The following ARID2 variants were observed in gnomAD, a reference collection of about 807,000 sequenced individuals.
ARID2 encodes AT-rich interactive domain-containing protein 2.
In ARID2, 32 loss-of-function variants were observed where a neutral mutation model predicts 184.6. The observed-to-expected ratio is 0.17, with a 90% CI of 0.13 to 0.23. ARID2 has a LOEUF of 0.23. ARID2 is among the 10% of genes least tolerant of loss of function. The probability of loss-of-function intolerance (pLI) is 1.00; values close to 1 mark genes in which losing one functional copy is unlikely to be tolerated. For synonymous variants in ARID2, 836 were observed against 772.6 expected (o/e 1.08, Z -1.36); for missense variants, 1,696 against 2,197.6 (o/e 0.77, Z 4.56).
chr12:45,900,900 T>C (rs1378756304), intron 20 of ARID2, among the ~76,000 whole-genome samples: 3 of 152,118 alleles, frequency 2.0e-5, no homozygotes, highest in Admixed American at 1.3e-4. Context: ...TTGTATGTGA[T>C]CTGTTTTCCC....
rs1206788961 is a variant in ARID2, at chr12:45,729,948, G to T, written c.92+20G>T. ...CAGAGGGTGAGAGCAGAACCGGGGG[G>T]GCAGCGCCGGGGCGAGCCGGGGCGA... On this transcript the variant is annotated intron_variant, in intron 1 of 20. Coordinates refer to ENST00000334344, the MANE Select transcript of ARID2 (RefSeq NM_152641.4). 2 of 1,604,340 alleles carry T rather than the reference G, an allele frequency of 1.2e-6. No individual in the cohort carries two copies. The highest frequency in any genetic ancestry group is 1.1e-5 in the South Asian group (1 of 90,324).
chr12:45,824,786 G>A (rs543329263), intron 6 of ARID2, among the ~76,000 whole-genome samples: 10 of 151,608 alleles, frequency 6.6e-5, no homozygotes, highest in Admixed American at 5.9e-4. Context: ...AATGTGCATT[G>A]CAGCATTATT....
intron 15 of ARID2, among the ~76,000 whole-genome samples, chr12:45,856,939 G>T (rs1460546272): frequency 2.0e-5 from 3 of 152,064 alleles, no homozygotes; most frequent in Non-Finnish European, 2.9e-5. Context: ...CAGAAGCCCT[G>T]CCCTGTTCCA....
intron 3 of ARID2, among the ~76,000 whole-genome samples, chr12:45,792,007 A>G (rs1336543205): frequency 6.6e-6 from 1 of 152,180 alleles, no homozygotes; most frequent in Non-Finnish European, 1.5e-5. Flanking sequence ...AATCAATTTT[A>G]TTCGTGTTTT....
intron 3 of ARID2, among the ~76,000 whole-genome samples, chr12:45,760,150 A>T (rs1941647904): frequency 6.6e-6 from 1 of 152,182 alleles, no homozygotes; most frequent in African/African-American, 2.4e-5. Flanking sequence ...TTCCAGATAT[A>T]ATATTTTTAA....
At chr12:45,767,626 G>A (rs1476171826) in intron 3 of ARID2, among the ~76,000 whole-genome samples, 1 of 152,122 alleles carries the variant, frequency 6.6e-6, no homozygotes, top group Non-Finnish European at 1.5e-5. Flanking sequence ...CCTAGGAGTT[G>A]GAGATTAGCT....
chr12:45,882,396 T>G (rs1272847180), intron 16 of ARID2: 1 of 152,218 alleles, frequency 6.6e-6, no homozygotes, highest in Non-Finnish European at 1.5e-5. Context: ...AGAAAATTAC[T>G]GAAAACAACA....
At chr12:45,901,997 C>G (rs1944466447) in intron 20 of ARID2, among the ~76,000 whole-genome samples, 1 of 151,984 alleles carries the variant, frequency 6.6e-6, no homozygotes, top group Non-Finnish European at 1.5e-5. Flanking sequence ...TTTCTTTTAC[C>G]CTTCGTACTG....
chr12:45,858,661 C>T (rs918208425), intron 15 of ARID2, among the ~76,000 whole-genome samples: 11 of 152,296 alleles, frequency 7.2e-5, no homozygotes, highest in Admixed American at 6.5e-4. Context: ...TTCCCATCAT[C>T]TCATAAGTTA....
chr12:45,901,154 ATTTTTTTTTT>A (rs71067909), intron 20 of ARID2, among the ~76,000 whole-genome samples: 1 of 44,972 alleles, frequency 2.2e-5, no homozygotes, highest in African/African-American at 1.4e-4. Flanking sequence ...AATTTCCTTA[ATTTTTTTTTT>A]TTTTTTTTTT....
chr12:45,751,872 G>C (rs536821524), intron 3 of ARID2, among the ~76,000 whole-genome samples: 1 of 152,258 alleles, frequency 6.6e-6, no homozygotes, highest in Non-Finnish European at 1.5e-5. Context: ...TGTATATATG[G>C]TCATTGACCT....
At chr12:45,743,089 C>T (rs756297946) in intron 3 of ARID2, among the ~76,000 whole-genome samples, 2 of 151,766 alleles carry the variant, frequency 1.3e-5, no homozygotes, top group Non-Finnish European at 2.9e-5. Flanking sequence ...CATGGTGGCT[C>T]ATGCCTGTAA....
Position 45,905,244 on chromosome 12 carries a change from C to A in ARID2, c.*166C>A, listed in dbSNP as rs1944509153. The A allele has an allele frequency of 3.4e-6, 2 of 581,822 alleles. No homozygotes were observed. The highest frequency in any genetic ancestry group is 5.3e-6 in the Non-Finnish European group (2 of 376,308). 36.0% of individuals were successfully genotyped at this position (581,822 alleles called of 1,614,324 possible). A position where few individuals can be genotyped will look rare whatever the true frequency, so the allele number is the denominator to read the frequency against. ...TTCGTATTCTGATCTCTGAGTGAAT[C>A]CCTTTGTTCTCTGTTTAAAAAAATC... is the stretch of plus-strand genomic sequence containing the variant. On this transcript the variant is annotated 3_prime_UTR_variant, in exon 21 of 21. Transcript: ENST00000334344.
intron 3 of ARID2, among the ~76,000 whole-genome samples, chr12:45,784,451 T>C (rs1942156387): frequency 6.6e-6 from 1 of 152,162 alleles, no homozygotes; most frequent in Non-Finnish European, 1.5e-5. Context: ...AAGACCTATA[T>C]AAGAAAAACT....
chr12:45,764,566 C>G (rs1941738435), intron 3 of ARID2, among the ~76,000 whole-genome samples: 1 of 152,110 alleles, frequency 6.6e-6, no homozygotes, highest in Admixed American at 6.5e-5. Flanking sequence ...TGTTTTATAC[C>G]CTTACAAATG....
At chr12:45,893,382 G>A (rs753287754) in intron 18 of ARID2, 38 bp from the exon 19 acceptor site, 40 of 1,578,366 alleles carry the variant, frequency 2.5e-5, no homozygotes, top group East Asian at 1.9e-4. Context: ...GCAGTATCAC[G>A]TTAATTCTCT....
chr12:45,734,816 A>G (rs1466648853), intron 3 of ARID2, among the ~76,000 whole-genome samples: 1 of 152,110 alleles, frequency 6.6e-6, no homozygotes, highest in African/African-American at 2.4e-5. Flanking sequence ...TTTGGTATGA[A>G]GATTTAGGTA....
chr12:45,823,869 A>G lies in ARID2; in HGVS notation c.705+2382A>G, dbSNP rs150732234. 7.3e-3 allele frequency among the ~76,000 whole-genome samples: 1,118 copies of G among 152,220 alleles called. 9 individuals are homozygous for G. Among genetic ancestry groups the G allele is most frequent in the Non-Finnish European group, 0.01 (690 of 67,974 alleles). On this transcript the variant is annotated intron_variant, in intron 6 of 20. Coordinates refer to ENST00000334344, the MANE Select transcript of ARID2 (RefSeq NM_152641.4). ...CTTCCAAACTTATAAAGAAGAACCA[A>G]CACCAGTTCTTCTCTAACTATTCCA...
rs553471917 is a variant in ARID2, at chr12:45,831,954, GT to G, written c.706-4628del. Among the ~76,000 whole-genome samples the G allele has an allele frequency of 3.8e-3, 570 of 151,876 alleles. 5 individuals are homozygous for G. Among genetic ancestry groups the G allele is most frequent in the African/African-American group, 0.013 (539 of 41,448 alleles). On this transcript the variant is annotated intron_variant, in intron 6 of 20. Transcript: ENST00000334344. ...ATAATATATTTTTCCCATCTTTATA[GT>G]TTTTTTCTGTGTTTTTATACATAGC...
Sources: allele counts gnomAD v4.1 joint callset (sites outside exome capture counted in the v4.1 genomes callset), GRCh38; gene constraint gnomAD v4.1.1; transcripts MANE v1.5; gene names NCBI Gene and HGNC (gene_info 2026-07-23, HGNC 2026-07-21).